The following ACAP1 variants were observed in gnomAD, a reference collection of about 807,000 sequenced individuals.
ACAP1 encodes the protein ArfGAP with coiled-coil, ankyrin repeat and PH domains 1.
In ACAP1, 45 loss-of-function variants were observed where a neutral mutation model predicts 98.8. The ratio of observed to expected loss-of-function variants is 0.46; its 90% confidence interval spans 0.36 to 0.58. ACAP1 has a LOEUF of 0.58. ACAP1 is among the 20% of genes least tolerant of loss of function. ACAP1 has a pLI of 0.00. For missense variants in ACAP1, 735 were observed against 971.4 expected (o/e 0.76, Z 3.24); for synonymous variants, 362 against 375.3 (o/e 0.96, Z 0.41).
At chr17:7,339,198 G>A (rs1257065127) in intron 2 of ACAP1, among the ~76,000 whole-genome samples, 3 of 152,092 alleles carry the variant, frequency 2.0e-5, no homozygotes, top group African/African-American at 7.2e-5. Flanking sequence ...GCTGAGGCAG[G>A]AGAATGGCGC....
At chr17:7,339,106 C>T (rs749784327) in intron 2 of ACAP1, among the ~76,000 whole-genome samples, 113 of 148,012 alleles carry the variant, frequency 7.6e-4, no homozygotes, top group Admixed American at 1.7e-3. Context: ...CTGGCTAACA[C>T]TGTGAAACCC....
At chr17:7,351,199 C>A (rs2073406547) in intron 21 of ACAP1, 96 bp from the exon 22 acceptor site, 2 of 1,197,898 alleles carry the variant, frequency 1.7e-6, no homozygotes, top group Non-Finnish European at 2.4e-6. Flanking sequence ...CCCACCCAGG[C>A]TCGGAGCGCG....
Position 7,351,324 on chromosome 17 carries a change from G to A in ACAP1, c.2152G>A (p.Asp718Asn). The stretch of plus-strand genomic sequence containing the variant: ...TGAGACGTATCTTGACATCTTCCGC[G>A]ACTTCTCCCTCATGGCGTCAGACGA... ...GDETYLDIFR[D>N]FSLMASDDPE... Residue 718 changes from aspartate to asparagine, a missense_variant, in exon 22 of 22, where the codon GAC (aspartate) becomes AAC (asparagine). Coordinates refer to ENST00000158762, the MANE Select transcript of ACAP1 (RefSeq NM_014716.4). 6.2e-7 allele frequency: 1 copy of A among 1,613,750 alleles called. No homozygotes were observed. The highest frequency in any genetic ancestry group is 8.5e-7 in the Non-Finnish European group (1 of 1,179,772).
Position 7,348,192 on chromosome 17 carries a change from A to C in ACAP1, c.1479A>C (p.Ala493=), listed in dbSNP as rs899466995. 5 of 1,613,932 alleles carry C rather than the reference A, an allele frequency of 3.1e-6. No individual in the cohort carries two copies. Among genetic ancestry groups the C allele is most frequent in the Non-Finnish European group, 4.2e-6 (5 of 1,179,970 alleles). The part of the protein sequence containing the change: ...QIYEARVEAM[A]VKKPGPSCSR... ...ATGAGGCCCGCGTGGAGGCCATGGCAGTGAAGAAACCAGGGCCCAGCTGCT... is the reference window on the plus strand; with the variant it reads ...ATGAGGCCCGCGTGGAGGCCATGGCCGTGAAGAAACCAGGGCCCAGCTGCT... The change falls in exon 16 of 22, where the codon GCA becomes GCC. Residue 493 remains alanine (A), a synonymous_variant. Transcript: ENST00000158762.
chr17:7,346,994 G>A (rs1047136084), intron 13 of ACAP1, 37 bp from the exon 14 acceptor site: 2 of 1,573,842 alleles, frequency 1.3e-6, no homozygotes, highest in Non-Finnish European at 1.7e-6. Context: ...TTTACCCTAG[G>A]CCCCTTGGCC....
In ACAP1 at chr17:7,346,408, G is replaced by T; in HGVS notation, c.924G>T (p.Val308=). 1 of 1,613,976 alleles carries T rather than the reference G, an allele frequency of 6.2e-7. No individual in the cohort carries two copies. The highest frequency in any genetic ancestry group is 1.1e-5 in the South Asian group (1 of 91,062). The change falls in exon 12 of 22, where the codon GTG becomes GTT. Residue 308 remains valine (V), a synonymous_variant. Transcript: ENST00000158762. ...QKKYKDPVTV[V]VDDLRLCTVK... The stretch of plus-strand genomic sequence containing the variant: ...CCTGCCAGGACCCTGTGACTGTGGT[G>T]GTGGATGACCTTCGTCTCTGCACAG...
At chr17:7,348,736 A>G in intron 17 of ACAP1, 1 of 581,508 alleles carries the variant, frequency 1.7e-6, no homozygotes, top group African/African-American at 1.9e-5. Flanking sequence ...CTGGAGCGTC[A>G]GGGGTTGAGA....
chr17:7,341,233 C>T (rs570917208), intron 2 of ACAP1, among the ~76,000 whole-genome samples: 2 of 152,192 alleles, frequency 1.3e-5, no homozygotes, highest in African/African-American at 4.8e-5. Context: ...TCACTGCAGC[C>T]TTGACCTCCC....
In ACAP1 at chr17:7,350,387, C is replaced by G. The variant is rs892762648; in HGVS notation, c.2072+150C>G. On this transcript the variant is annotated intron_variant, in intron 20 of 21. Coordinates refer to ENST00000158762, the MANE Select transcript of ACAP1 (RefSeq NM_014716.4). The surrounding 1 kb of genome is among the most constrained non-coding windows in gnomAD (Gnocchi z 4.6). The stretch of plus-strand genomic sequence containing the variant: ...GCTGGGCCAGCGCCGGGGCCAGGCT[C>G]GAGAAAGGCTGCGCGAAGTGTGCAC... 1 of 647,586 alleles carries G rather than the reference C, an allele frequency of 1.5e-6. No individual in the cohort carries two copies. Among genetic ancestry groups the G allele is most frequent in the Non-Finnish European group, 2.6e-6 (1 of 382,676 alleles). The allele number at this position is 647,586 out of a possible 1,614,324, so 40.1% of individuals were successfully genotyped here. A position where few individuals can be genotyped will look rare whatever the true frequency, so the allele number is the denominator to read the frequency against.
chr17:7,342,503 T>C (rs1308110683), intron 5 of ACAP1, 29 bp downstream of exon 5: 5 of 1,611,816 alleles, frequency 3.1e-6, no homozygotes, highest in Admixed American at 3.3e-5. Flanking sequence ...CAGTGGCTCA[T>C]GCCTGTAATC....
intron 14 of ACAP1, chr17:7,347,701 G>A (rs1275167062): frequency 1.7e-6 from 1 of 593,824 alleles, no homozygotes; most frequent in African/African-American, 1.9e-5. Context: ...GCCTTGAAAT[G>A]AAACCTAAGG....
chr17:7,336,616 G>A lies in ACAP1; in HGVS notation c.-119G>A, dbSNP rs562216721. ...GAATTGTGCCCCCAGGCCCTTCCCCGCGGAGGTCCCTCTCCTCCTTCCCCC... is the reference window on the plus strand; with the variant it reads ...GAATTGTGCCCCCAGGCCCTTCCCCACGGAGGTCCCTCTCCTCCTTCCCCC... On this transcript the variant is annotated 5_prime_UTR_variant, in exon 1 of 22. Coordinates refer to ENST00000158762, the MANE Select transcript of ACAP1 (RefSeq NM_014716.4). The A allele has an allele frequency of 8.3e-5, 87 of 1,047,614 alleles. No individual in the cohort carries two copies. The South Asian group carries it at 9.5e-4, about 11-fold the overall frequency. 64.9% of individuals were successfully genotyped at this position (1,047,614 alleles called of 1,614,324 possible).
In ACAP1 at chr17:7,350,317, G is replaced by A. The variant is rs544468040; in HGVS notation, c.2072+80G>A. 2.6e-5 allele frequency: 30 copies of A among 1,141,488 alleles called. No individual in the cohort carries two copies. The highest frequency in any genetic ancestry group is 3.7e-5 in the Non-Finnish European group (29 of 794,244). The allele number at this position is 1,141,488 out of a possible 1,614,324, so 70.7% of individuals were successfully genotyped here. ...ACCCACGTTCGGGCGGGCGGGCGGG[G>A]CTGACGCCGAAACAGAAGCCTGTGC... On this transcript the variant is annotated intron_variant, in intron 20 of 21. Coordinates refer to ENST00000158762, the MANE Select transcript of ACAP1 (RefSeq NM_014716.4). The surrounding 1 kb of genome is among the most constrained non-coding windows in gnomAD (Gnocchi z 4.6).
Position 7,336,773 on chromosome 17 carries a change from C to T in ACAP1, c.39C>T (p.Asp13=), listed in dbSNP as rs750860834. ...TGGATTTCGAGGAGTGTCTCAAGGACTCACCCCGTTTCCGGTAAGTGTGAA... is the reference window on the plus strand; with the variant it reads ...TGGATTTCGAGGAGTGTCTCAAGGATTCACCCCGTTTCCGGTAAGTGTGAA... ...VKLDFEECLK[D]SPRFRASIEL... Residue 13 remains aspartate (D), a synonymous_variant, in exon 1 of 22, where the codon GAC becomes GAT. Transcript: ENST00000158762. 4.3e-6 allele frequency: 7 copies of T among 1,613,824 alleles called. No individual in the cohort carries two copies. In the Admixed American group the frequency reaches 6.7e-5, roughly 15 times the overall value.
At chr17:7,351,224 G>C in intron 21 of ACAP1, 71 bp from the exon 22 acceptor site, 1 of 1,356,114 alleles carries the variant, frequency 7.4e-7, no homozygotes, top group Non-Finnish European at 1.0e-6. Flanking sequence ...CCCCAGGTGG[G>C]CCCCAACCGC....
Position 7,344,213 on chromosome 17 carries a change from A to G in ACAP1, c.744+90A>G. 1 of 1,397,954 alleles carries G rather than the reference A, an allele frequency of 7.2e-7. No individual in the cohort carries two copies. The highest frequency in any genetic ancestry group is 2.2e-4 in the Middle Eastern group (1 of 4,594). The allele number at this position is 1,397,954 out of a possible 1,614,324, so 86.6% of individuals were successfully genotyped here. A position where few individuals can be genotyped will look rare whatever the true frequency, so the allele number is the denominator to read the frequency against. On this transcript the variant is annotated intron_variant, in intron 9 of 21. Coordinates refer to ENST00000158762, the MANE Select transcript of ACAP1 (RefSeq NM_014716.4). The surrounding 1 kb of genome is among the most constrained non-coding windows in gnomAD (Gnocchi z 4.9). ...GATTGCTTGAGGCCTGGAGTTCAAG[A>G]TTAGCCTAGGCATCGTAGTGAAACT...
At chr17:7,347,298 C>A in intron 14 of ACAP1, 56 bp downstream of exon 14, 1 of 1,478,744 alleles carries the variant, frequency 6.8e-7, no homozygotes, top group Non-Finnish European at 9.3e-7. Flanking sequence ...AGTGCGGCTC[C>A]AATACAGAGC....
chr17:7,346,572 GC>G, intron 12 of ACAP1, 81 bp downstream of exon 12: 2 of 1,312,256 alleles, frequency 1.5e-6, no homozygotes, highest in Non-Finnish European at 1.1e-6. Context: ...CACAATGGAG[GC>G]CCCCCATGCA....
intron 11 of ACAP1, 37 bp from the exon 12 acceptor site, chr17:7,346,354 G>A (rs771952146): frequency 6.2e-7 from 1 of 1,614,024 alleles, no homozygotes; most frequent in Admixed American, 1.7e-5. Flanking sequence ...CTTGCCTGCA[G>A]CTGGACATCT....
Sources: gnomAD v4.1 joint callset for allele counts (sites outside exome capture counted in the v4.1 genomes callset) on GRCh38, gnomAD v4.1.1 for gene constraint, Gnocchi (gnomAD v3.1) non-coding constraint, MANE v1.5 for transcripts, NCBI Gene and HGNC (gene_info 2026-07-23, HGNC 2026-07-21) for gene names.